MALRD1: variants seen among roughly 807,000 people sequenced by gnomAD.
MALRD1 encodes the protein MAM and LDL-receptor class A domain-containing protein 1.
A neutral mutation model predicts 242.1 loss-of-function variants in MALRD1; 247 were observed. That is an observed-to-expected ratio of 1.02 (90% confidence interval 0.92 to 1.13). The LOEUF (loss-of-function observed/expected upper bound fraction) is 1.13. MALRD1 is among the 50% of genes most tolerant of loss of function. MALRD1 has a pLI of 0.00. For missense variants in MALRD1, 2,989 were observed against 2,533.1 expected, an observed-to-expected ratio of 1.18 and a Z score of -3.86; for synonymous variants, 995 against 866.6, an observed-to-expected ratio of 1.15 and a Z score of -2.60.
At chr10:19,084,850 A>G (rs1485670567) in intron 2 of MALRD1, among the ~76,000 whole-genome samples, 1 of 152,058 alleles carries the variant, frequency 6.6e-6, no homozygotes, top group East Asian at 1.9e-4. Flanking sequence ...AAATGAAATT[A>G]TGCTATTTAT....
chr10:19,422,419 G>A (rs1833748678), intron 28 of MALRD1, among the ~76,000 whole-genome samples: 1 of 152,100 alleles, frequency 6.6e-6, no homozygotes, highest in African/African-American at 2.4e-5. Flanking sequence ...GTAACCAGAA[G>A]ACTTACAACA....
At chr10:19,069,598 G>T (rs1835079642) in intron 2 of MALRD1, among the ~76,000 whole-genome samples, 1 of 151,636 alleles carries the variant, frequency 6.6e-6, no homozygotes, top group South Asian at 2.1e-4. Flanking sequence ...AATTATGTTA[G>T]TTTTTCCCCC....
At chr10:19,447,069 GACACACACAC>G (rs374350237) in intron 28 of MALRD1, among the ~76,000 whole-genome samples, 13 of 141,898 alleles carry the variant, frequency 9.2e-5, no homozygotes, top group East Asian at 8.6e-4. Flanking sequence ...CACATACACA[GACACACACAC>G]ACACACACAC....
intron 21 of MALRD1, among the ~76,000 whole-genome samples, chr10:19,315,602 A>AATATATAAATTATAC: frequency 8.8e-6 from 1 of 113,724 alleles, no homozygotes; most frequent in Non-Finnish European, 1.6e-5. Flanking sequence ...TATTTATATA[A>AATATATAAATTATAC]ATTATAAATA....
chr10:19,379,083 T>C (rs922196937), intron 26 of MALRD1, among the ~76,000 whole-genome samples: 11 of 152,158 alleles, frequency 7.2e-5, no homozygotes, highest in African/African-American at 2.4e-4. Context: ...AGTTTATTGT[T>C]ATAAACTTGC....
At position 19,077,412 on chromosome 10, in the gene MALRD1, C is replaced by G. The variant is rs1417190731; in HGVS notation, c.341-10428C>G. On this transcript the variant is annotated intron_variant, in intron 2 of 39. Transcript: ENST00000454679. ...CTGCCATTTTTTTCATAGTGCACACCCATTTCAGGCCAAGGCATTTGAGAA... is the reference window on the plus strand; with the variant it reads ...CTGCCATTTTTTTCATAGTGCACACGCATTTCAGGCCAAGGCATTTGAGAA... 2.0e-5 allele frequency among the ~76,000 whole-genome samples: 3 copies of G among 151,730 alleles called. No homozygotes were observed. In the East Asian group the frequency reaches 5.8e-4, roughly 29 times the overall value.
In MALRD1 at chr10:19,331,621, A is replaced by G. The variant is rs1275959880; in HGVS notation, c.3901+39A>G. On this transcript the variant is annotated intron_variant, in intron 24 of 39. Coordinates refer to ENST00000454679, the MANE Select transcript of MALRD1 (RefSeq NM_001142308.3). Reference sequence around the variant, plus strand: ...TTCTGTTTTCTTACTTTTGCCTTCAACTCCCACAGCCTTACTCAATATCTG... The same window carrying G: ...TTCTGTTTTCTTACTTTTGCCTTCAGCTCCCACAGCCTTACTCAATATCTG... The G allele has an allele frequency of 1.4e-5, 20 of 1,467,680 alleles. No homozygotes were observed. The East Asian group carries it at 4.2e-4, about 31-fold the overall frequency. The allele number at this position is 1,467,680 out of a possible 1,614,324, so 90.9% of individuals were successfully genotyped here.
At chr10:19,667,560 T>C (rs1470186869) in intron 36 of MALRD1, among the ~76,000 whole-genome samples, 3 of 151,706 alleles carry the variant, frequency 2.0e-5, no homozygotes, top group East Asian at 3.9e-4. Flanking sequence ...CTCATGAGAG[T>C]TGGTTATTTA....
chr10:19,321,022 G>T (rs1174750680), intron 21 of MALRD1, among the ~76,000 whole-genome samples: 6 of 151,838 alleles, frequency 4.0e-5, no homozygotes, highest in Non-Finnish European at 8.8e-5. Flanking sequence ...TCTGTAGGTT[G>T]CCTGTTCACT....
chr10:19,352,092 A>C lies in MALRD1; in HGVS notation c.4236A>C (p.Leu1412=). ...CAGTCACAAACCAAACGAAGGTTCT[A>C]CTTAACCTCACTGTAGAACAAGGCA... is the stretch of plus-strand genomic sequence containing the variant. ...QVSVTNQTKV[L]LNLTVEQGNF... Residue 1412 remains leucine (L), a synonymous_variant, in exon 26 of 40, where the codon CTA becomes CTC. Transcript: ENST00000454679. 6.4e-7 allele frequency: 1 copy of C among 1,550,466 alleles called. No homozygotes were observed. The highest frequency in any genetic ancestry group is 8.7e-7 in the Non-Finnish European group (1 of 1,146,860).
intron 24 of MALRD1, among the ~76,000 whole-genome samples, chr10:19,342,578 T>TA (rs2130962858): frequency 6.6e-6 from 1 of 152,282 alleles, no homozygotes; most frequent in African/African-American, 2.4e-5. Context: ...CATATATAAA[T>TA]ACTAATCCCA....
intron 36 of MALRD1, among the ~76,000 whole-genome samples, chr10:19,679,054 T>C (rs921657106): frequency 1.3e-5 from 2 of 152,218 alleles, no homozygotes; most frequent in Non-Finnish European, 2.9e-5. Context: ...TGGATTCAGT[T>C]TGCCAGTATT....
intron 38 of MALRD1, among the ~76,000 whole-genome samples, chr10:19,694,983 A>C (rs1833299088): frequency 6.6e-6 from 1 of 152,154 alleles, no homozygotes; most frequent in Non-Finnish European, 1.5e-5. Context: ...CAAAAAACCA[A>C]ACACCACATG....
intron 38 of MALRD1, among the ~76,000 whole-genome samples, chr10:19,706,181 T>C (rs1197369643): frequency 6.6e-6 from 1 of 152,166 alleles, no homozygotes; most frequent in Admixed American, 6.5e-5. Context: ...ATGCAGAAAC[T>C]TGTGGTTTCA....
chr10:19,637,617 G>A (rs540760570), intron 36 of MALRD1, among the ~76,000 whole-genome samples: 24 of 152,184 alleles, frequency 1.6e-4, no homozygotes, highest in African/African-American at 4.8e-4. Flanking sequence ...GGTTATTGTC[G>A]TATTCACTTT....
Position 19,242,410 on chromosome 10 carries a change from G to A in MALRD1, c.2992-15274G>A, listed in dbSNP as rs540777037. On this transcript the variant is annotated intron_variant, in intron 18 of 39. Coordinates refer to ENST00000454679, the MANE Select transcript of MALRD1 (RefSeq NM_001142308.3). ...GATATACAGCCAAACCATATCAGGT[G>A]AGATCTTCTTTACCTGCTAGGTCCA... Among the ~76,000 whole-genome samples the A allele has an allele frequency of 4.6e-4, 70 of 152,216 alleles. 1 individual carries two copies. The South Asian group carries it at 0.011, about 25-fold the overall frequency.
intron 1 of MALRD1, 75 bp from the exon 2 acceptor site, chr10:19,066,644 A>G (rs946429774): frequency 9.1e-7 from 1 of 1,100,584 alleles, no homozygotes; most frequent in Non-Finnish European, 1.2e-6. Context: ...GCTAAACTTT[A>G]TTTTTCTGCT....
chr10:19,204,468 G>C, intron 16 of MALRD1, 55 bp downstream of exon 16: 1 of 1,192,970 alleles, frequency 8.4e-7, no homozygotes, highest in Non-Finnish European at 1.2e-6. Flanking sequence ...TGGTGGTGAA[G>C]TGTTTGCAGG....
intron 26 of MALRD1, among the ~76,000 whole-genome samples, chr10:19,371,235 T>G (rs1256650145): frequency 6.6e-6 from 1 of 152,002 alleles, no homozygotes; most frequent in Admixed American, 6.6e-5. Context: ...GGCAACCCAG[T>G]GAGACCCTGT....
Sources: allele counts gnomAD v4.1 joint callset (sites outside exome capture counted in the v4.1 genomes callset), GRCh38; gene constraint gnomAD v4.1.1; transcripts MANE v1.5; gene names NCBI Gene and HGNC (gene_info 2026-07-23, HGNC 2026-07-21).